SGSM1: variants seen among roughly 807,000 people sequenced by gnomAD.
The protein encoded by SGSM1 is RUN and TBC1 domain containing 2.
SGSM1 carries 73 observed loss-of-function variants against 133.8 expected under a neutral mutation model. The observed-to-expected ratio is 0.55, with a 90% confidence interval of 0.45 to 0.66. The LOEUF (loss-of-function observed/expected upper bound fraction) is 0.66, where lower values mean the gene tolerates loss of function less well. Among genes scored for constraint, SGSM1 ranks in the 30% least tolerant of loss-of-function variants. The pLI is 0.00. For missense variants in SGSM1, 1,213 were observed against 1,448.1 expected, an observed-to-expected ratio of 0.84 and a Z score of 2.64; for synonymous variants, 563 against 573.0, an observed-to-expected ratio of 0.98 and a Z score of 0.25.
intron 2 of SGSM1, among the ~76,000 whole-genome samples, chr22:24,818,802 G>A (rs533448496): frequency 6.6e-6 from 1 of 152,146 alleles, no homozygotes; most frequent in East Asian, 1.9e-4. Context: ...AAATGAACTG[G>A]TACCTCTTAG....
intron 8 of SGSM1, 97 bp from the exon 9 acceptor site, chr22:24,859,619 T>C (rs1478464242): frequency 6.5e-7 from 1 of 1,531,770 alleles, no homozygotes; most frequent in African/African-American, 1.4e-5. Context: ...CCCAACCTCT[T>C]AGTTCTGATT....
chr22:24,813,089 G>A (rs772625023), intron 2 of SGSM1, among the ~76,000 whole-genome samples: 1 of 152,202 alleles, frequency 6.6e-6, no homozygotes, highest in Non-Finnish European at 1.5e-5. Flanking sequence ...GAGACCTGAA[G>A]GAAGGAAGGG....
intron 8 of SGSM1, chr22:24,855,929 C>T (rs1930756121): frequency 1.5e-6 from 1 of 670,054 alleles, no homozygotes; most frequent in Non-Finnish European, 2.7e-6. Flanking sequence ...ATCCATCCAC[C>T]CATCTTTACA....
At chr22:24,810,334 A>G (rs566460237) in intron 2 of SGSM1, among the ~76,000 whole-genome samples, 1 of 151,722 alleles carries the variant, frequency 6.6e-6, no homozygotes, top group Admixed American at 6.6e-5. Context: ...CCTCCAGGGC[A>G]AGCATCCTTT....
At chr22:24,866,405 G>C (rs187415157) in intron 9 of SGSM1, among the ~76,000 whole-genome samples, 1 of 152,182 alleles carries the variant, frequency 6.6e-6, no homozygotes, top group Non-Finnish European at 1.5e-5. Flanking sequence ...ACTCCTGCGC[G>C]TGGACACATA....
chr22:24,885,481 C>T (rs1162842460), intron 15 of SGSM1, among the ~76,000 whole-genome samples: 3 of 148,598 alleles, frequency 2.0e-5, no homozygotes, highest in Non-Finnish European at 3.0e-5. Context: ...CTCTGTCACC[C>T]GGGCTGGAGT....
At chr22:24,842,778 G>A (rs769577964) in intron 2 of SGSM1, among the ~76,000 whole-genome samples, 1 of 152,228 alleles carries the variant, frequency 6.6e-6, no homozygotes, top group Non-Finnish European at 1.5e-5. Flanking sequence ...TTCAGGCAGA[G>A]CTGATGACCT....
intron 24 of SGSM1, among the ~76,000 whole-genome samples, chr22:24,923,672 G>A (rs954616567): frequency 2.0e-5 from 3 of 151,998 alleles, no homozygotes; most frequent in Non-Finnish European, 4.4e-5. Context: ...GCCCAGGCTG[G>A]AGTGCAGTGG....
intron 5 of SGSM1, among the ~76,000 whole-genome samples, chr22:24,853,567 A>C (rs942296577): frequency 6.6e-6 from 1 of 152,112 alleles, no homozygotes; most frequent in African/African-American, 2.4e-5. Context: ...ACAGTTCCAC[A>C]TGGCTGGGAA....
At chr22:24,894,391 C>CA (rs1932869445) in intron 17 of SGSM1, among the ~76,000 whole-genome samples, 2 of 151,906 alleles carry the variant, frequency 1.3e-5, no homozygotes, top group African/African-American at 2.4e-5. Flanking sequence ...AACTCCCTCT[C>CA]AAAAAAAAGT....
At chr22:24,888,023 G>A (rs1932713200) in intron 16 of SGSM1, among the ~76,000 whole-genome samples, 1 of 152,106 alleles carries the variant, frequency 6.6e-6, no homozygotes. Context: ...AACGTCTTTT[G>A]TCCACCTTCT....
rs3062145 is a variant in SGSM1 at position 24,816,417 on chromosome 22, C to CTTTTT, written c.63+9945_63+9949dup. Among the ~76,000 whole-genome samples the CTTTTT allele has an allele frequency of 9.5e-3, 1,239 of 130,038 alleles. 30 individuals carry two copies. Among genetic ancestry groups the CTTTTT allele is most frequent in the African/African-American group, 0.026 (940 of 35,688 alleles). 85.3% of individuals were successfully genotyped at this position (130,038 alleles called of 152,430 possible). The stretch of plus-strand genomic sequence containing the variant: ...AAAAATTGATTTCTTTTTTTTCTTT[C>CTTTTT]TTTTTTTTTTTTTTTTGAGATGGTG... On this transcript the variant is annotated intron_variant, in intron 2 of 24. Coordinates refer to ENST00000400358, the MANE Select transcript of SGSM1 (RefSeq NM_001098497.3).
At chr22:24,847,886 C>A in intron 4 of SGSM1, 90 bp downstream of exon 4, 1 of 1,476,148 alleles carries the variant, frequency 6.8e-7, no homozygotes, top group Non-Finnish European at 9.1e-7. Flanking sequence ...CAACCCCTAG[C>A]ACTCTTTTCA....
At chr22:24,820,662 G>A (rs904104947) in intron 2 of SGSM1, among the ~76,000 whole-genome samples, 5 of 152,188 alleles carry the variant, frequency 3.3e-5, no homozygotes, top group Non-Finnish European at 7.3e-5. Flanking sequence ...GGAAGGGTGT[G>A]GCAGGAGTGG....
rs9624643 is a variant in SGSM1 at position 24,884,055 on chromosome 22, C to T, written c.1498C>T (p.Leu500=). The part of the protein sequence containing the change: ...QILSRAFYGW[L]AYCRHLSTVR... ...ACTTTCCCTCCCTCCCTCAACAGGG[C>T]TGGCCTACTGCAGACACCTGTCCAC... Residue 500 remains leucine, a splice_region_variant and synonymous_variant, in exon 15 of 25, where the codon CTG becomes TTG. Coordinates refer to ENST00000400358, the MANE Select transcript of SGSM1 (RefSeq NM_001098497.3). 5.4e-3 allele frequency: 8,753 copies of T among 1,609,744 alleles called. 417 individuals are homozygous for T. The African/African-American group carries it at 0.1, about 19-fold the overall frequency.
chr22:24,907,532 G>GT lies in SGSM1; in HGVS notation c.2818+2353dup, dbSNP rs869089540. Among the ~76,000 whole-genome samples, 10 of 135,882 alleles carry GT rather than the reference G, an allele frequency of 7.4e-5. No individual in the cohort carries two copies. In the South Asian group the frequency reaches 7.5e-4, roughly 10 times the overall value. 89.1% of individuals were successfully genotyped at this position (135,882 alleles called of 152,430 possible). A position where few individuals can be genotyped will look rare whatever the true frequency, so the allele number is the denominator to read the frequency against. ...CCAGCTGCCTTTGTTTTTTGTTGTT[G>GT]TTTTTTTTGGTTTTTTGGTTTTTTT... On this transcript the variant is annotated intron_variant, in intron 21 of 24. Transcript: ENST00000400358.
intron 2 of SGSM1, among the ~76,000 whole-genome samples, chr22:24,836,635 C>T (rs1158346955): frequency 3.9e-5 from 6 of 152,226 alleles, no homozygotes; most frequent in Non-Finnish European, 8.8e-5. Flanking sequence ...TCATAGCAGC[C>T]ATCCTAATAG....
intron 22 of SGSM1, among the ~76,000 whole-genome samples, chr22:24,914,498 A>C (rs1458226653): frequency 6.6e-6 from 1 of 151,322 alleles, no homozygotes; most frequent in Admixed American, 6.6e-5. Context: ...AAAATTAACC[A>C]TAGATTTTTC....
rs12157422 is a variant in SGSM1 at position 24,814,558 on chromosome 22, C to G, written c.63+8074C>G. Reference sequence around the variant, plus strand: ...GAGAGTGTGGGGTCAGGGAGAAGGCCACAACAGCAAGGGCCTCAATTACCA... The same window carrying G: ...GAGAGTGTGGGGTCAGGGAGAAGGCGACAACAGCAAGGGCCTCAATTACCA... On this transcript the variant is annotated intron_variant, in intron 2 of 24. Transcript: ENST00000400358. Among the ~76,000 whole-genome samples the G allele has an allele frequency of 9.5e-3, 1,448 of 151,932 alleles. 32 individuals are homozygous for G. Among genetic ancestry groups the G allele is most frequent in the African/African-American group, 0.033 (1,369 of 41,396 alleles).
Sources: allele counts gnomAD v4.1 joint callset (sites outside exome capture counted in the v4.1 genomes callset), GRCh38; gene constraint gnomAD v4.1.1; transcripts MANE v1.5; gene names NCBI Gene and HGNC (gene_info 2026-07-23, HGNC 2026-07-21).